Variants in CDC14B observed in about 807,000 individuals in gnomAD.
CDC14B encodes the protein cell division cycle 14B.
Under a neutral mutation model 64.2 loss-of-function variants are expected in CDC14B, and 22 were observed. The observed-to-expected ratio is 0.34, with a 90% confidence interval of 0.24 to 0.49. The LOEUF (loss-of-function observed/expected upper bound fraction) is 0.49. Among genes scored for constraint, CDC14B ranks in the 20% least tolerant of loss-of-function variants. The pLI, the probability that CDC14B is intolerant of heterozygous loss-of-function variation, is 0.99. For missense variants in CDC14B, 498 were observed against 629.9 expected (o/e 0.79, Z 2.24); for synonymous variants, 191 against 215.8 (o/e 0.89, Z 1.01).
intron 5 of CDC14B, among the ~76,000 whole-genome samples, chr9:96,547,526 G>A (rs1841125017): frequency 2.0e-5 from 3 of 151,180 alleles, no homozygotes; most frequent in Non-Finnish European, 4.4e-5. Context: ...GTGGCATAAT[G>A]AAAGCTCACT....
intron 1 of CDC14B, among the ~76,000 whole-genome samples, chr9:96,570,687 G>A (rs777712923): frequency 4.6e-4 from 70 of 152,212 alleles, no homozygotes; most frequent in Non-Finnish European, 1.3e-4. Context: ...AGCGGCAGCA[G>A]CATTACCCAC....
At chr9:96,601,094 T>A (rs1290282387) in intron 1 of CDC14B, among the ~76,000 whole-genome samples, 1 of 152,304 alleles carries the variant, frequency 6.6e-6, no homozygotes, top group Admixed American at 6.5e-5. Context: ...GGAATATTTA[T>A]CTTGTTGATG....
At chr9:96,494,795 C>T (rs1034729896) in intron 13 of CDC14B, among the ~76,000 whole-genome samples, 5 of 117,884 alleles carry the variant, frequency 4.2e-5, no homozygotes, top group Admixed American at 8.7e-5. Context: ...CCCTCCCGTC[C>T]TGTCCAGTCT....
intron 1 of CDC14B, chr9:96,566,901 T>C (rs1844077449): frequency 1.3e-6 from 2 of 1,547,600 alleles, no homozygotes; most frequent in East Asian, 4.9e-5. Flanking sequence ...CCCCCGAAGT[T>C]TAAAAAACAA....
intron 7 of CDC14B, chr9:96,538,578 A>T (rs1425745688): frequency 6.6e-6 from 1 of 152,436 alleles, no homozygotes; most frequent in Non-Finnish European, 1.5e-5. Flanking sequence ...TTAAAAAATT[A>T]GCCTGGCATG....
intron 5 of CDC14B, among the ~76,000 whole-genome samples, chr9:96,550,108 G>A (rs898790442): frequency 2.6e-5 from 4 of 152,182 alleles, no homozygotes; most frequent in African/African-American, 9.7e-5. Context: ...TGTGACTCAA[G>A]ACCAAAAATA....
At chr9:96,545,711 CT>C (rs59702080) in intron 5 of CDC14B, among the ~76,000 whole-genome samples, 4,600 of 142,224 alleles carry the variant, frequency 0.032, 153 homozygotes, top group African/African-American at 0.099. Flanking sequence ...TTCTTCAATG[CT>C]TTTTTTTTTT....
chr9:96,546,967 CAGG>C (rs1182103426), intron 5 of CDC14B, among the ~76,000 whole-genome samples: 2 of 151,956 alleles, frequency 1.3e-5, no homozygotes, highest in East Asian at 2.0e-4. Context: ...GAGGCTGAGG[CAGG>C]AGAATGGCGT....
intron 3 of CDC14B, among the ~76,000 whole-genome samples, chr9:96,563,560 G>A (rs551093414): frequency 8.1e-5 from 12 of 149,040 alleles, no homozygotes; most frequent in African/African-American, 2.5e-4. Context: ...TGAGGCAGGA[G>A]AATCACTTGA....
intron 12 of CDC14B, among the ~76,000 whole-genome samples, chr9:96,519,932 A>T (rs1222266641): frequency 1.3e-5 from 2 of 152,228 alleles, no homozygotes; most frequent in Non-Finnish European, 2.9e-5. Context: ...ACTTGGATGA[A>T]GAAATTGATT....
chr9:96,568,351 A>G (rs1308923146), intron 1 of CDC14B, among the ~76,000 whole-genome samples: 1 of 152,252 alleles, frequency 6.6e-6, no homozygotes, highest in African/African-American at 2.4e-5. Context: ...TACATAAACG[A>G]AATCAAGAGA....
intron 5 of CDC14B, among the ~76,000 whole-genome samples, chr9:96,548,332 A>T (rs75636870): frequency 0.028 from 4,255 of 152,308 alleles, 214 homozygotes; most frequent in African/African-American, 0.097. Flanking sequence ...GAGTATTATA[A>T]CAGATAATAC....
intron 1 of CDC14B, among the ~76,000 whole-genome samples, chr9:96,583,370 TTTATTATTATTATTATTATTATTA>T (rs60483659): frequency 1.4e-5 from 2 of 139,104 alleles, no homozygotes; most frequent in African/African-American, 2.7e-5. Flanking sequence ...GTTGTATTTA[TTTATTATTATTATTATTATTATTA>T]TTATTATTAT....
rs540753832 is a variant in CDC14B, at chr9:96,521,221, C to T, written c.1343+1285G>A. ...AGTAGCTGGGATCCTATAATGCCTA[C>T]AGCTCCCACCATCATGCCCGGCTAG... On this transcript the variant is annotated intron_variant, in intron 12 of 13. Transcript: ENST00000375241. Among the ~76,000 whole-genome samples, 6 of 152,094 alleles carry T rather than the reference C, an allele frequency of 3.9e-5. No homozygotes were observed. The East Asian group carries it at 1.2e-3, about 29-fold the overall frequency.
intron 7 of CDC14B, among the ~76,000 whole-genome samples, chr9:96,534,743 C>A (rs988387556): frequency 1.3e-5 from 2 of 152,218 alleles, no homozygotes; most frequent in African/African-American, 4.8e-5. Context: ...TCCTAATCAT[C>A]TTCTTTTAAC....
intron 1 of CDC14B, among the ~76,000 whole-genome samples, chr9:96,594,310 A>C (rs748770697): frequency 1.3e-5 from 2 of 152,212 alleles, no homozygotes; most frequent in Non-Finnish European, 1.5e-5. Context: ...GGACAGAGTA[A>C]CCAAAGAGAA....
chr9:96,547,203 G>A (rs1587912636), intron 5 of CDC14B, among the ~76,000 whole-genome samples: 1 of 151,958 alleles, frequency 6.6e-6, no homozygotes, highest in Non-Finnish European at 1.5e-5. Flanking sequence ...AGTGGCTCAT[G>A]CCTGTAATTC....
intron 1 of CDC14B, among the ~76,000 whole-genome samples, chr9:96,574,651 C>T (rs529767532): frequency 9.7e-5 from 14 of 143,948 alleles, no homozygotes; most frequent in South Asian, 4.3e-4. Flanking sequence ...GCCGAGATTG[C>T]GCCATTGCAC....
chr9:96,503,750 T>C lies in CDC14B; in HGVS notation c.*3A>G, dbSNP rs1194731593. ...TCCTTCAGCTCTGGTCACAGGTTTT[T>C]ACTTAACGCAAGACTGTTTTAGTCC... On this transcript the variant is annotated 3_prime_UTR_variant, in exon 14 of 14. Transcript: ENST00000375241. The C allele has an allele frequency of 6.2e-7, 1 of 1,613,618 alleles. No individual in the cohort carries two copies. Among genetic ancestry groups the C allele is most frequent in the South Asian group, 1.1e-5 (1 of 91,042 alleles).
Sources: allele counts gnomAD v4.1 joint callset (sites outside exome capture counted in the v4.1 genomes callset), GRCh38; gene constraint gnomAD v4.1.1; transcripts MANE v1.5; gene names NCBI Gene and HGNC (gene_info 2026-07-23, HGNC 2026-07-21).